ACER3: variants seen among roughly 807,000 people sequenced by gnomAD.
ACER3 encodes alkCDase 3.
In ACER3, 16 loss-of-function variants were observed where a neutral mutation model predicts 48.9. That is an observed-to-expected ratio of 0.33 (90% CI 0.22 to 0.50). ACER3 has a LOEUF of 0.50. Among genes scored for constraint, ACER3 ranks in the 20% least tolerant of loss-of-function variants. ACER3 has a pLI of 0.98. For synonymous variants in ACER3, 109 were observed against 107.8 expected, an observed-to-expected ratio of 1.01 and a Z score of -0.07; for missense variants, 227 against 326.0, an observed-to-expected ratio of 0.70 and a Z score of 2.34.
intron 7 of ACER3, chr11:77,011,443 C>A: frequency 1.1e-6 from 1 of 918,214 alleles, no homozygotes; most frequent in Non-Finnish European, 1.3e-6. Context: ...TGTCATATTT[C>A]AGTACCTGGC....
At chr11:76,919,371 T>TC (rs1946626042) in intron 1 of ACER3, among the ~76,000 whole-genome samples, 2 of 152,190 alleles carry the variant, frequency 1.3e-5, no homozygotes, top group African/African-American at 4.8e-5. Context: ...TCCCCAAACT[T>TC]TGTTTCTCAT....
intron 1 of ACER3, among the ~76,000 whole-genome samples, chr11:76,880,931 T>C (rs1236037276): frequency 1.3e-5 from 2 of 152,096 alleles, no homozygotes; most frequent in Non-Finnish European, 2.9e-5. Flanking sequence ...CATGAGGGTC[T>C]ACCCTTATGA....
At chr11:76,927,608 C>A (rs375819921) in intron 2 of ACER3, among the ~76,000 whole-genome samples, 3 of 152,078 alleles carry the variant, frequency 2.0e-5, no homozygotes, top group South Asian at 2.1e-4. Flanking sequence ...ATCCCTCCCC[C>A]CTTCCCCCAC....
chr11:76,998,848 T>C (rs1565221170), intron 7 of ACER3, 27 bp downstream of exon 7: 1 of 1,542,400 alleles, frequency 6.5e-7, no homozygotes, highest in East Asian at 2.4e-5. Flanking sequence ...ATCTGCACCA[T>C]GACTGAAGTA....
At chr11:77,002,273 T>A (rs1397894670) in intron 7 of ACER3, among the ~76,000 whole-genome samples, 2 of 152,224 alleles carry the variant, frequency 1.3e-5, no homozygotes, top group African/African-American at 4.8e-5. Context: ...TTATCATAAA[T>A]GGACCTATAA....
chr11:77,003,339 T>C (rs2135277926), intron 7 of ACER3, among the ~76,000 whole-genome samples: 1 of 152,314 alleles, frequency 6.6e-6, no homozygotes, highest in South Asian at 2.1e-4. Flanking sequence ...CATCAAAATT[T>C]ATGTGTGTAG....
chr11:77,002,507 G>C (rs1311715549), intron 7 of ACER3, among the ~76,000 whole-genome samples: 1 of 151,996 alleles, frequency 6.6e-6, no homozygotes, highest in Non-Finnish European at 1.5e-5. Flanking sequence ...TTAATATTTT[G>C]TTAAGGATTT....
intron 1 of ACER3, among the ~76,000 whole-genome samples, chr11:76,917,342 T>C (rs1022947139): frequency 1.3e-5 from 2 of 152,198 alleles, no homozygotes; most frequent in Admixed American, 1.3e-4. Context: ...GTAATGTATA[T>C]TTTTAAAAAT....
chr11:76,891,620 AC>A (rs974481312), intron 1 of ACER3, among the ~76,000 whole-genome samples: 4 of 152,148 alleles, frequency 2.6e-5, no homozygotes, highest in Non-Finnish European at 5.9e-5. Flanking sequence ...AAAGGTCTAG[AC>A]TTGTTACTGA....
chr11:76,955,370 C>CT (rs1290101806), intron 2 of ACER3: 1 of 152,086 alleles, frequency 6.6e-6, no homozygotes, highest in Non-Finnish European at 1.5e-5. Context: ...ACCTAAATGT[C>CT]TTTTTTAGCT....
At chr11:77,016,546 T>G (rs1421567877) in intron 8 of ACER3, 129 bp from the exon 9 acceptor site, 1 of 501,150 alleles carries the variant, frequency 2.0e-6, no homozygotes, top group African/African-American at 2.0e-5. Flanking sequence ...TGTGGCAGAC[T>G]ACAGGAAACT....
At chr11:76,899,043 A>G (rs1286716253) in intron 1 of ACER3, among the ~76,000 whole-genome samples, 1 of 152,078 alleles carries the variant, frequency 6.6e-6, no homozygotes, top group Admixed American at 6.5e-5. Context: ...TCTTGGCATC[A>G]GGAAAGACTT....
intron 5 of ACER3, among the ~76,000 whole-genome samples, chr11:76,990,250 T>C (rs772059829): frequency 2.0e-5 from 3 of 152,180 alleles, no homozygotes; most frequent in Non-Finnish European, 4.4e-5. Flanking sequence ...CTCATGAGAA[T>C]CCATATATCC....
intron 4 of ACER3, among the ~76,000 whole-genome samples, chr11:76,985,024 T>A (rs576117370): frequency 3.9e-4 from 59 of 152,324 alleles, no homozygotes; most frequent in African/African-American, 1.3e-3. Context: ...TTGTATCTGC[T>A]ATATTTTTCT....
At chr11:76,926,756 G>T in intron 2 of ACER3, 89 bp downstream of exon 2, 1 of 851,204 alleles carries the variant, frequency 1.2e-6, no homozygotes, top group Non-Finnish European at 1.8e-6. Context: ...TCAATTTTGT[G>T]TTATTACATA....
intron 5 of ACER3, among the ~76,000 whole-genome samples, chr11:76,987,876 G>C (rs1948717052): frequency 6.6e-6 from 1 of 152,202 alleles, no homozygotes; most frequent in African/African-American, 2.4e-5. Flanking sequence ...AGAGGTCAAG[G>C]CTTCAGTGAG....
chr11:76,966,911 A>T (rs1454671537), intron 3 of ACER3, among the ~76,000 whole-genome samples: 1 of 151,982 alleles, frequency 6.6e-6, no homozygotes, highest in African/African-American at 2.4e-5. Flanking sequence ...GAGAAGCAAG[A>T]GCAAACACAT....
At chr11:76,998,885 T>G in intron 7 of ACER3, 64 bp downstream of exon 7, 7 of 1,294,890 alleles carry the variant, frequency 5.4e-6, no homozygotes, top group African/African-American at 1.5e-5. Flanking sequence ...AGTAAATCTA[T>G]AGCCTAAATC....
At chr11:76,936,769 G>A (rs966006620) in intron 2 of ACER3, among the ~76,000 whole-genome samples, 1 of 147,776 alleles carries the variant, frequency 6.8e-6, no homozygotes, top group Non-Finnish European at 1.5e-5. Context: ...CCAGGCTACA[G>A]TGCAGTGGTG....
Sources: gnomAD v4.1 joint callset for allele counts (sites outside exome capture counted in the v4.1 genomes callset) on GRCh38, gnomAD v4.1.1 for gene constraint, MANE v1.5 for transcripts, NCBI Gene and HGNC (gene_info 2026-07-23, HGNC 2026-07-21) for gene names.